LRRC49: variants seen among roughly 807,000 people sequenced by gnomAD.
LRRC49 encodes the protein leucine-rich repeat-containing protein 49.
In LRRC49, 50 loss-of-function variants were observed where a neutral mutation model predicts 83.3. The ratio of observed to expected loss-of-function variants is 0.60; its 90% CI spans 0.48 to 0.76. The LOEUF (loss-of-function observed/expected upper bound fraction) is 0.76, where lower values mean the gene tolerates loss of function less well. Among genes scored for constraint, LRRC49 ranks in the 30% least tolerant of loss-of-function variants. LRRC49 has a pLI of 0.00. For synonymous variants in LRRC49, 286 were observed against 283.3 expected (o/e 1.01, Z -0.10); for missense variants, 704 against 809.1 (o/e 0.87, Z 1.58).
In LRRC49 at chr15:71,009,575, TAGA is replaced by T. The variant is rs1242309628; in HGVS notation, c.1408-229_1408-227del. The T allele has an allele frequency of 4.4e-5, 16 of 365,466 alleles. No homozygotes were observed. In the East Asian group the frequency reaches 6.2e-4, roughly 14 times the overall value. The allele number at this position is 365,466 out of a possible 1,614,324, so 22.6% of individuals were successfully genotyped here. On this transcript the variant is annotated intron_variant, in intron 12 of 15. Coordinates refer to ENST00000260382, the MANE Select transcript of LRRC49 (RefSeq NM_017691.5). ...GGTTTATAAGTGAGACTGTCATTTGTAGAAGGAGTCACCCAGAATTCAATATTG... is the reference window on the plus strand; with the variant it reads ...GGTTTATAAGTGAGACTGTCATTTGTAGGAGTCACCCAGAATTCAATATTG...
chr15:70,906,098 C>CTTTTT (rs976292654), intron 5 of LRRC49, among the ~76,000 whole-genome samples: 1 of 130,840 alleles, frequency 7.6e-6, no homozygotes, highest in Non-Finnish European at 1.6e-5. Context: ...ATTTTTTTTT[C>CTTTTT]TTTTTTTTTT....
At chr15:71,032,047 A>T (rs188773024) in intron 14 of LRRC49, among the ~76,000 whole-genome samples, 1 of 152,182 alleles carries the variant, frequency 6.6e-6, no homozygotes, top group Non-Finnish European at 1.5e-5. Flanking sequence ...GGTATGAAAA[A>T]ATACTCCTAA....
At position 70,859,784 on chromosome 15, in the gene LRRC49, G is replaced by T. The variant is rs1029036761; in HGVS notation, c.-299+6315G>T. On this transcript the variant is annotated intron_variant, in intron 1 of 16. Transcript: ENST00000544974. ...CAACGCCAAGCTGTCCGAGCTGGAG[G>T]CCTCTCTGCAATGGGCCAGGCAGGA... The T allele has an allele frequency of 5.4e-6, 4 of 743,746 alleles. No homozygotes were observed. The Admixed American group carries it at 6.9e-5, about 13-fold the overall frequency. 46.1% of individuals were successfully genotyped at this position (743,746 alleles called of 1,614,324 possible).
intron 11 of LRRC49, among the ~76,000 whole-genome samples, chr15:71,002,777 A>G (rs1284316624): frequency 6.6e-6 from 1 of 151,996 alleles, no homozygotes; most frequent in Admixed American, 6.6e-5. Context: ...CCTAAAGGTT[A>G]AAAAAACAAT....
intron 1 of LRRC49, among the ~76,000 whole-genome samples, chr15:70,865,758 A>C (rs1055829769): frequency 3.9e-5 from 6 of 152,210 alleles, no homozygotes; most frequent in Non-Finnish European, 8.8e-5. Flanking sequence ...GAGGACTGAG[A>C]GTTTTCCCTG....
rs546601067 is a variant in LRRC49 at position 71,048,797 on chromosome 15, G to C, written c.1858-612G>C. 44 of 456,024 alleles carry C rather than the reference G, an allele frequency of 9.6e-5. 1 individual carries two copies. Among genetic ancestry groups the C allele is most frequent in the East Asian group, 7.0e-4 (10 of 14,388 alleles). The allele number at this position is 456,024 out of a possible 1,614,324, so 28.2% of individuals were successfully genotyped here. ...TTTCATTTTCACACTGCCAGACCCA[G>C]AAGTTGAGTGGGAGACCTGTTTCTT... is the stretch of plus-strand genomic sequence containing the variant. On this transcript the variant is annotated intron_variant, in intron 15 of 15. Coordinates refer to ENST00000260382, the MANE Select transcript of LRRC49 (RefSeq NM_017691.5).
At chr15:70,881,883 A>G (rs560818932) in intron 2 of LRRC49, 4 of 152,320 alleles carry the variant, frequency 2.6e-5, no homozygotes, top group African/African-American at 9.6e-5. Context: ...AAATTTCTGT[A>G]AGAACCATAG....
intron 14 of LRRC49, among the ~76,000 whole-genome samples, chr15:71,027,995 G>A (rs981505361): frequency 2.6e-5 from 4 of 152,182 alleles, no homozygotes; most frequent in African/African-American, 9.7e-5. Context: ...AATAGCAGTG[G>A]TGAGAGAGGG....
chr15:70,862,578 A>AC, intron 1 of LRRC49, among the ~76,000 whole-genome samples: 1 of 33,062 alleles, frequency 3.0e-5, no homozygotes, highest in Admixed American at 5.8e-4. Context: ...ACTCCGTCTC[A>AC]AAAAAAAAAA....
intron 14 of LRRC49, among the ~76,000 whole-genome samples, chr15:71,029,779 C>G (rs764220541): frequency 6.6e-6 from 1 of 152,210 alleles, no homozygotes; most frequent in Non-Finnish European, 1.5e-5. Flanking sequence ...ATGTAATGCC[C>G]TTCTCTGTCT....
At chr15:70,945,400 A>G (rs946770452) in intron 8 of LRRC49, among the ~76,000 whole-genome samples, 1 of 152,138 alleles carries the variant, frequency 6.6e-6, no homozygotes, top group African/African-American at 2.4e-5. Flanking sequence ...TGCAAGCTCT[A>G]TCTACCAGAT....
intron 1 of LRRC49, chr15:70,859,361 C>T (rs1188615766): frequency 1.3e-6 from 1 of 772,144 alleles, no homozygotes; most frequent in Non-Finnish European, 2.4e-6. Flanking sequence ...CCTGGAAGGG[C>T]TGACTGACGA....
intron 1 of LRRC49, among the ~76,000 whole-genome samples, chr15:70,862,286 A>C (rs745352971): frequency 1.3e-4 from 20 of 152,086 alleles, no homozygotes; most frequent in South Asian, 1.0e-3. Flanking sequence ...GCTTTTAAAA[A>C]TTCTGAGGCT....
At chr15:70,906,373 G>A (rs1297195789) in intron 5 of LRRC49, among the ~76,000 whole-genome samples, 4 of 152,290 alleles carry the variant, frequency 2.6e-5, no homozygotes, top group Admixed American at 6.5e-5. Context: ...GGGATTACAG[G>A]CGTGAGCCAC....
chr15:70,901,983 C>T (rs186772894), intron 4 of LRRC49, among the ~76,000 whole-genome samples: 44 of 152,252 alleles, frequency 2.9e-4, no homozygotes, highest in Non-Finnish European at 5.1e-4. Context: ...TAGCAGTGCA[C>T]ACCTGACAAC....
chr15:71,048,593 T>C (rs1463872114), intron 15 of LRRC49, among the ~76,000 whole-genome samples: 1 of 152,222 alleles, frequency 6.6e-6, no homozygotes, highest in Non-Finnish European at 1.5e-5. Flanking sequence ...GATTCTTCCA[T>C]GTATATTATA....
chr15:70,909,047 A>G (rs1164912778), intron 5 of LRRC49, among the ~76,000 whole-genome samples: 4 of 152,206 alleles, frequency 2.6e-5, no homozygotes, highest in South Asian at 2.1e-4. Context: ...GAGGGAATAC[A>G]TACTGCACAT....
chr15:70,878,220 A>T (rs2033192762), intron 2 of LRRC49, among the ~76,000 whole-genome samples: 1 of 152,194 alleles, frequency 6.6e-6, no homozygotes. Context: ...GTTTTTTTTA[A>T]TCTCAGTTTC....
chr15:71,036,559 G>A (rs2039525587), intron 14 of LRRC49, among the ~76,000 whole-genome samples: 2 of 152,128 alleles, frequency 1.3e-5, no homozygotes, highest in African/African-American at 4.8e-5. Context: ...GACGAATCAT[G>A]GCTGATGGCT....
Sources: allele counts gnomAD v4.1 joint callset (sites outside exome capture counted in the v4.1 genomes callset), GRCh38; gene constraint gnomAD v4.1.1; transcripts MANE v1.5; gene names NCBI Gene and HGNC (gene_info 2026-07-23, HGNC 2026-07-21).